AP3D1: variants seen among roughly 807,000 people sequenced by gnomAD.
AP3D1 encodes AP-3 complex subunit delta-1.
Under a neutral mutation model 147.6 loss-of-function variants are expected in AP3D1, and 51 were observed. That is an observed-to-expected ratio of 0.35 (90% CI 0.28 to 0.44). The LOEUF is 0.44. AP3D1 is among the 20% of genes least tolerant of loss of function. The pLI is 1.00. For synonymous variants in AP3D1, 760 were observed against 663.0 expected (o/e 1.15, Z -2.25); for missense variants, 1,421 against 1,624.2 (o/e 0.87, Z 2.15).
rs546793649 is a variant in AP3D1 at position 2,116,499 on chromosome 19, T to C, written c.2001+106A>G. On this transcript the variant is annotated intron_variant, in intron 17 of 31. Coordinates refer to ENST00000643116, the MANE Select transcript of AP3D1 (RefSeq NM_001261826.3). The stretch of plus-strand genomic sequence containing the variant: ...GAGGCAGGGACGCCCATGCCTCCAC[T>C]GCCAGGGTCAGGGCCAGGACCCACA... The C allele has an allele frequency of 2.3e-5, 33 of 1,413,958 alleles. No homozygotes were observed. In the Middle Eastern group the frequency reaches 6.8e-4, roughly 29 times the overall value. 87.6% of individuals were successfully genotyped at this position (1,413,958 alleles called of 1,614,324 possible).
intron 8 of AP3D1, among the ~76,000 whole-genome samples, chr19:2,128,357 C>T (rs971154374): frequency 6.6e-6 from 1 of 152,116 alleles, no homozygotes; most frequent in Non-Finnish European, 1.5e-5. Flanking sequence ...TACAGGCTTC[C>T]AGTCTAGGAC....
At chr19:2,103,562 C>T (rs917009972) in intron 31 of AP3D1, among the ~76,000 whole-genome samples, 4 of 152,206 alleles carry the variant, frequency 2.6e-5, no homozygotes, top group African/African-American at 7.2e-5. Context: ...CTGCGGATCC[C>T]GTTCCAAAGA....
intron 1 of AP3D1, among the ~76,000 whole-genome samples, chr19:2,147,416 CTTTT>C (rs11285731): frequency 8.1e-5 from 10 of 122,720 alleles, no homozygotes; most frequent in African/African-American, 2.5e-4. Flanking sequence ...CTTTTCCTTT[CTTTT>C]TTTTTTTTTT....
In AP3D1 at chr19:2,116,089, G is replaced by T. The variant is rs78884357; in HGVS notation, c.2073+118C>A. On this transcript the variant is annotated intron_variant, in intron 18 of 31. Coordinates refer to ENST00000643116, the MANE Select transcript of AP3D1 (RefSeq NM_001261826.3). ...AAAGGCTCCGCACAGTCACCGTGTG[G>T]CCCCAGCTCCATTCCCAGGATCTTC... 0.063 allele frequency: 62,224 copies of T among 984,970 alleles called. 2,405 individuals are homozygous for T. The highest frequency in any genetic ancestry group is 0.077 in the Middle Eastern group (255 of 3,302). The allele number at this position is 984,970 out of a possible 1,614,324, so 61.0% of individuals were successfully genotyped here.
chr19:2,131,037 C>T (rs1294830933), intron 5 of AP3D1, among the ~76,000 whole-genome samples: 1 of 152,268 alleles, frequency 6.6e-6, no homozygotes, highest in Non-Finnish European at 1.5e-5. Flanking sequence ...GGAGCCGGCA[C>T]TCTGTGAAGG....
At chr19:2,116,829 G>C in intron 16 of AP3D1, 83 bp from the exon 17 acceptor site, 1 of 1,463,192 alleles carries the variant, frequency 6.8e-7, no homozygotes, top group Non-Finnish European at 9.1e-7. Context: ...GGCTCACCAC[G>C]TGCCTGGCCA....
At chr19:2,120,023 G>T (rs1411718421) in intron 14 of AP3D1, among the ~76,000 whole-genome samples, 1 of 152,094 alleles carries the variant, frequency 6.6e-6, no homozygotes, top group Non-Finnish European at 1.5e-5. Flanking sequence ...GACCCTTTCG[G>T]GATCCCAGAA....
rs2019505541 is a variant in AP3D1 at position 2,151,363 on chromosome 19, G to T, written c.-29C>A. 1.3e-6 allele frequency: 2 copies of T among 1,501,308 alleles called. No individual in the cohort carries two copies. Among genetic ancestry groups the T allele is most frequent in the South Asian group, 2.5e-5 (2 of 79,716 alleles). The allele number at this position is 1,501,308 out of a possible 1,614,324, so 93.0% of individuals were successfully genotyped here. The stretch of plus-strand genomic sequence containing the variant: ...GGCGGCCCACGGGCTTTTGCCTCGG[G>T]AGGCCCGCGGCTGGGCGCCGTGAGG... On this transcript the variant is annotated 5_prime_UTR_variant, in exon 1 of 32. Coordinates refer to ENST00000643116, the MANE Select transcript of AP3D1 (RefSeq NM_001261826.3).
intron 4 of AP3D1, chr19:2,133,505 G>A (rs1449797823): frequency 2.0e-5 from 3 of 151,612 alleles, no homozygotes; most frequent in Non-Finnish European, 4.4e-5. Context: ...AATATGACAA[G>A]GCCAGCTTTT....
chr19:2,133,875 T>C (rs1022266578), intron 4 of AP3D1, among the ~76,000 whole-genome samples: 1 of 151,504 alleles, frequency 6.6e-6, no homozygotes, highest in Non-Finnish European at 1.5e-5. Context: ...TTTGGGAGTC[T>C]GAGGCGGGAA....
At chr19:2,149,575 G>A (rs911635748) in intron 1 of AP3D1, among the ~76,000 whole-genome samples, 23 of 146,722 alleles carry the variant, frequency 1.6e-4, no homozygotes, top group Non-Finnish European at 3.5e-4. Context: ...CCACCACCAA[G>A]ACCCCCTTGA....
rs751143148 is a variant in AP3D1 at position 2,123,417 on chromosome 19, GA to G, written c.907-12del. 3.4e-5 allele frequency: 55 copies of G among 1,612,236 alleles called. No homozygotes were observed. Among genetic ancestry groups the G allele is most frequent in the Non-Finnish European group, 4.3e-5 (51 of 1,179,540 alleles). On this transcript the variant is annotated splice_polypyrimidine_tract_variant and intron_variant, in intron 10 of 31. Transcript: ENST00000643116. Reference sequence around the variant, plus strand: ...TTTCTGAACACAAAGCTGAAAAGAAGAAAAAAACGATGCTGGTTACATCCTC... The same window carrying G: ...TTTCTGAACACAAAGCTGAAAAGAAGAAAAAACGATGCTGGTTACATCCTC...
At chr19:2,161,226 A>G (rs889987415) in intron 1 of AP3D1, among the ~76,000 whole-genome samples, 25 of 150,186 alleles carry the variant, frequency 1.7e-4, no homozygotes, top group African/African-American at 6.1e-4. Context: ...CAGTGGCACA[A>G]TCTCTGCTCA....
intron 1 of AP3D1, among the ~76,000 whole-genome samples, chr19:2,147,751 G>A (rs1159764457): frequency 6.6e-6 from 1 of 151,080 alleles, no homozygotes; most frequent in Admixed American, 6.6e-5. Context: ...AAAATTAGCT[G>A]GATGTGGTGG....
intron 20 of AP3D1, 143 bp from the exon 21 acceptor site, chr19:2,114,964 A>AGCGTCTAGGCACTAAGG (rs2018398677): frequency 2.1e-6 from 2 of 968,796 alleles, no homozygotes; most frequent in Middle Eastern, 3.0e-4. Context: ...GGCTCCGCTC[A>AGCGTCTAGGCACTAAGG]GCGTCTAGGC....
chr19:2,139,195 G>C (rs1234290757), intron 1 of AP3D1, among the ~76,000 whole-genome samples: 1 of 152,146 alleles, frequency 6.6e-6, no homozygotes, highest in Non-Finnish European at 1.5e-5. Context: ...GCCACAGGCT[G>C]GGAGAGGAGA....
At chr19:2,137,946 C>T in intron 2 of AP3D1, 139 bp from the exon 3 acceptor site, 1 of 594,128 alleles carries the variant, frequency 1.7e-6, no homozygotes, top group Non-Finnish European at 3.0e-6. Flanking sequence ...CCAATACGTA[C>T]CCCTGGGGCC....
At chr19:2,135,463 G>A (rs1426736162) in intron 4 of AP3D1, among the ~76,000 whole-genome samples, 4 of 152,178 alleles carry the variant, frequency 2.6e-5, no homozygotes, top group African/African-American at 7.2e-5. Flanking sequence ...TTGAACCCAG[G>A]AGGCAGAGGT....
rs1390506989 is a variant in AP3D1, at chr19:2,114,240, G to T, written c.2486C>A (p.Ser829Tyr). ...TACCATGGGAACGTCCTTCTCAGGG[G>T]ATTTTGAGGTCTCGGTGTTTCTGTG... ...QKHRNTETSK[S>Y]PEKDVPMVEK... The change falls in exon 22 of 32, where the codon TCC (serine) becomes TAC (tyrosine). Residue 829 changes from serine (S) to tyrosine (Y), a missense_variant. Ser to Tyr is a moderately radical substitution (Grantham distance 144). This residue lies in a region of AP3D1 where 791 missense variants were observed against 761.4 expected (regional missense o/e 1.04). Transcript: ENST00000643116. The T allele has an allele frequency of 6.2e-7, 1 of 1,613,410 alleles. No homozygotes were observed. Among genetic ancestry groups the T allele is most frequent in the South Asian group, 1.1e-5 (1 of 91,022 alleles).
Sources: allele counts gnomAD v4.1 joint callset (sites outside exome capture counted in the v4.1 genomes callset), GRCh38; gene constraint gnomAD v4.1.1; regional missense constraint gnomAD v4.1.1; transcripts MANE v1.5; gene names NCBI Gene and HGNC (gene_info 2026-07-23, HGNC 2026-07-21).